Variants in VPS13A observed in about 807,000 individuals in gnomAD.
The protein encoded by VPS13A is vacuolar protein sorting 13 homolog A, also known as intermembrane lipid transfer protein VPS13A.
VPS13A carries 264 observed loss-of-function variants against 390.9 expected under a neutral mutation model. The observed-to-expected ratio is 0.68, with a 90% CI of 0.61 to 0.75. VPS13A has a LOEUF of 0.75. VPS13A is among the 30% of genes least tolerant of loss of function. The pLI is 0.00. For missense variants in VPS13A, 3,409 were observed against 3,733.9 expected, an observed-to-expected ratio of 0.91 and a Z score of 2.27; for synonymous variants, 1,231 against 1,227.1, an observed-to-expected ratio of 1.00 and a Z score of -0.07.
chr9:77,390,156 A>G (rs1006640315), intron 68 of VPS13A: 68 of 976,406 alleles, frequency 7.0e-5, no homozygotes, highest in Non-Finnish European at 7.9e-5. Context: ...AGTGGACAAG[A>G]ACTAGGAGAC....
chr9:77,346,550 A>G (rs775374926), intron 52 of VPS13A, among the ~76,000 whole-genome samples: 13 of 151,792 alleles, frequency 8.6e-5, no homozygotes, highest in Non-Finnish European at 1.8e-4. Flanking sequence ...ATCTATTTTT[A>G]TTTTGTTGCA....
chr9:77,349,053 A>G (rs924796932), intron 52 of VPS13A, among the ~76,000 whole-genome samples: 2 of 151,998 alleles, frequency 1.3e-5, no homozygotes, highest in Non-Finnish European at 2.9e-5. Flanking sequence ...AAAAATATGG[A>G]TGTTATTTCC....
Position 77,303,036 on chromosome 9 carries a change from G to A in VPS13A, c.3934G>A (p.Val1312Ile), listed in dbSNP as rs764081252. The A allele has an allele frequency of 4.3e-6, 7 of 1,613,860 alleles. No homozygotes were observed. In the East Asian group the frequency reaches 1.6e-4, roughly 36 times the overall value. ...EWYQEVPCFNVNAQLKPMEFI... is the reference protein window; with the variant it reads ...EWYQEVPCFNINAQLKPMEFI... ...GTACCAGGAAGTTCCTTGTTTTAAT[G>A]TAAATGCTCAGCTGAAACCAATGGA... Residue 1312 changes from valine to isoleucine, a missense_variant, in exon 34 of 72, where the codon GTA becomes ATA. Transcript: ENST00000360280.
At chr9:77,374,309 T>C (rs1832955098) in intron 67 of VPS13A, among the ~76,000 whole-genome samples, 1 of 152,096 alleles carries the variant, frequency 6.6e-6, no homozygotes, top group Admixed American at 6.6e-5. Context: ...ATATTAACAA[T>C]AATAATAAAA....
rs2131430525 is a variant in VPS13A, at chr9:77,315,463, G to A, written c.4623G>A (p.Lys1541=). ...CCAGTGTGCAAACATGGACTGCTAA[G>A]GAAGAAGGTTAGTTATTGGCTAAAA... The part of the protein sequence containing the change: ...VETSVQTWTA[K]EEVPTQESVK... Residue 1541 remains lysine (K), a synonymous_variant, in exon 38 of 72, where the codon AAG becomes AAA. Transcript: ENST00000360280. 6.2e-7 allele frequency: 1 copy of A among 1,613,714 alleles called. No individual in the cohort carries two copies. Among genetic ancestry groups the A allele is most frequent in the South Asian group, 1.1e-5 (1 of 91,066 alleles).
At chr9:77,252,203 T>TA (rs1825181459) in intron 21 of VPS13A, 32 bp from the exon 22 acceptor site, 2 of 1,517,164 alleles carry the variant, frequency 1.3e-6, no homozygotes, top group East Asian at 2.3e-5. Context: ...GTGTTATAGT[T>TA]ACGTTAAATA....
intron 52 of VPS13A, among the ~76,000 whole-genome samples, chr9:77,350,720 T>C (rs2131539571): frequency 6.6e-6 from 1 of 152,272 alleles, no homozygotes; most frequent in African/African-American, 2.4e-5. Flanking sequence ...CAAAGATATG[T>C]CTAGAATGAT....
At chr9:77,238,728 T>C (rs1824293977) in intron 19 of VPS13A, among the ~76,000 whole-genome samples, 1 of 152,234 alleles carries the variant, frequency 6.6e-6, no homozygotes, top group Admixed American at 6.5e-5. Flanking sequence ...AAAAAAGTTC[T>C]ATCCTTTTTT....
In VPS13A at chr9:77,250,218, A is replaced by G. The variant is rs1825075859; in HGVS notation, c.2159A>G (p.Tyr720Cys). 6.2e-7 allele frequency: 1 copy of G among 1,613,430 alleles called. No individual in the cohort carries two copies. The highest frequency in any genetic ancestry group is 1.3e-5 in the African/African-American group (1 of 74,932). ...DIQLTSVQLL[Y>C]SRVGDNWREA... The stretch of plus-strand genomic sequence containing the variant: ...CAACTTACAAGTGTACAGCTGCTTT[A>G]CAGTAGAGTTGGTGAGTATAAAATG... Residue 720 changes from tyrosine (Y) to cysteine (C), a missense_variant, in exon 21 of 72, where the codon TAC becomes TGC. By Grantham distance (194) the Tyr-to-Cys change is radical. Transcript: ENST00000360280.
chr9:77,287,894 G>C (rs1467501744), intron 31 of VPS13A, among the ~76,000 whole-genome samples: 4 of 152,132 alleles, frequency 2.6e-5, no homozygotes, highest in Non-Finnish European at 5.9e-5. Context: ...GATTTATTGA[G>C]ACAATTTACC....
intron 13 of VPS13A, among the ~76,000 whole-genome samples, chr9:77,221,627 A>G (rs552040483): frequency 7.9e-5 from 12 of 152,236 alleles, no homozygotes; most frequent in African/African-American, 2.9e-4. Flanking sequence ...TTTAACCTCA[A>G]AAGTCTAAAT....
chr9:77,220,353 A>G lies in VPS13A; in HGVS notation c.959A>G (p.Asp320Gly). 3 of 1,611,334 alleles carry G rather than the reference A, an allele frequency of 1.9e-6. No individual in the cohort carries two copies. Among genetic ancestry groups the G allele is most frequent in the Non-Finnish European group, 2.5e-6 (3 of 1,178,746 alleles). ...QNLPYRKFKP[D>G]VPLHHHAREW... is the part of the protein sequence containing the mutation. ...CTGCCATATAGGAAGTTCAAACCTGATGTGCCTCTTCACCACCATGCCAGA... is the reference window on the plus strand; with the variant it reads ...CTGCCATATAGGAAGTTCAAACCTGGTGTGCCTCTTCACCACCATGCCAGA... The change falls in exon 12 of 72, where the codon GAT (aspartate) becomes GGT (glycine). Residue 320 changes from aspartate (D) to glycine (G), a missense_variant. Around this residue, in one of 5 missense-constraint regions of VPS13A, gnomAD observed 2,717 missense variants for 2,917.4 expected, o/e 0.93. Transcript: ENST00000360280.
At chr9:77,305,203 G>T (rs771326547) in intron 34 of VPS13A, among the ~76,000 whole-genome samples, 13 of 152,100 alleles carry the variant, frequency 8.5e-5, no homozygotes, top group Non-Finnish European at 1.8e-4. Flanking sequence ...CTCCCAAAGT[G>T]CTGGGATTAC....
chr9:77,371,078 A>C lies in VPS13A; in HGVS notation c.9006A>C (p.Leu3002Phe), dbSNP rs768666800. 9 of 1,614,032 alleles carry C rather than the reference A, an allele frequency of 5.6e-6. No homozygotes were observed. Among genetic ancestry groups the C allele is most frequent in the Non-Finnish European group, 6.8e-6 (8 of 1,180,022 alleles). ...TCTTTAAAGGTGTTGGGAAAGGTTT[A>C]GTAGGAGCGGTAGCAAGGCCAACTG... ...AGFFKGVGKG[L>F]VGAVARPTGG... is the part of the protein sequence containing the mutation. The change falls in exon 67 of 72, where the codon TTA (leucine) becomes TTC (phenylalanine). Residue 3002 changes from leucine to phenylalanine, a missense_variant. Coordinates refer to ENST00000360280, the MANE Select transcript of VPS13A (RefSeq NM_033305.3).
chr9:77,411,334 C>A lies in VPS13A; in HGVS notation c.9474+3727C>A, dbSNP rs141198898. On this transcript the variant is annotated intron_variant, in intron 71 of 71. Transcript: ENST00000360280. The stretch of plus-strand genomic sequence containing the variant: ...AGCACTAAATGTCCACAAGAGAAAG[C>A]AGGAAAAATCTAAAATTGACACCCT... 3.9e-5 allele frequency among the ~76,000 whole-genome samples: 6 copies of A among 152,138 alleles called. No individual in the cohort carries two copies. In the East Asian group the frequency reaches 9.7e-4, roughly 25 times the overall value.
At position 77,369,354 on chromosome 9, in the gene VPS13A, T is replaced by C; in HGVS notation, c.8609T>C (p.Phe2870Ser). The C allele has an allele frequency of 6.2e-7, 1 of 1,613,936 alleles. No individual in the cohort carries two copies. The highest frequency in any genetic ancestry group is 8.5e-7 in the Non-Finnish European group (1 of 1,179,878). ...GGACTTGATGTTTTGGGAAATCCAT[T>C]TGGCTTAATTAGAGAATTTTCTGAA... ...ILGLDVLGNP[F>S]GLIREFSEGV... Residue 2870 changes from phenylalanine to serine, a missense_variant, in exon 63 of 72, where the codon TTT (phenylalanine) becomes TCT (serine). Physicochemically the swap from Phe to Ser is radical, Grantham distance 155. This residue lies in a region of VPS13A where 30 missense variants were observed against 63.4 expected (regional missense o/e 0.47). Transcript: ENST00000360280.
intron 68 of VPS13A, among the ~76,000 whole-genome samples, chr9:77,391,504 CTT>C (rs574456074): frequency 7.8e-4 from 119 of 152,210 alleles, no homozygotes; most frequent in African/African-American, 2.6e-3. Flanking sequence ...AGTTAAGAAT[CTT>C]TTGTTTTAAA....
In VPS13A at chr9:77,415,939, T is replaced by C; in HGVS notation, c.9475-17T>C. 6.2e-7 allele frequency: 1 copy of C among 1,612,986 alleles called. No homozygotes were observed. Among genetic ancestry groups the C allele is most frequent in the South Asian group, 1.1e-5 (1 of 91,056 alleles). ...TTCACTGAAGTAAGCAAATGTTCATTTATTTTCCCACCGCAGTGGATCCTC... is the reference window on the plus strand; with the variant it reads ...TTCACTGAAGTAAGCAAATGTTCATCTATTTTCCCACCGCAGTGGATCCTC... On this transcript the variant is annotated splice_polypyrimidine_tract_variant and intron_variant, in intron 71 of 71. Transcript: ENST00000360280.
chr9:77,258,957 A>G (rs1393944021), intron 22 of VPS13A, among the ~76,000 whole-genome samples: 1 of 152,156 alleles, frequency 6.6e-6, no homozygotes, highest in Non-Finnish European at 1.5e-5. Context: ...CTCTGTCAGT[A>G]TATGCTTAGG....
Sources: allele counts gnomAD v4.1 joint callset (sites outside exome capture counted in the v4.1 genomes callset), GRCh38; gene constraint gnomAD v4.1.1; regional missense constraint gnomAD v4.1.1; transcripts MANE v1.5; gene names NCBI Gene and HGNC (gene_info 2026-07-23, HGNC 2026-07-21).